Variants in CDH2 observed in about 807,000 individuals in gnomAD.
CDH2 encodes cadherin 2, also known as cadherin-2.
Under a neutral mutation model 92.0 loss-of-function variants are expected in CDH2, and 17 were observed. The observed-to-expected ratio is 0.18, with a 90% CI of 0.13 to 0.28. The LOEUF is 0.28. Ranked by LOEUF, CDH2 falls within the 10% of genes least tolerant of loss-of-function variation. CDH2 has a pLI of 1.00. For synonymous variants in CDH2, 419 were observed against 415.9 expected, an observed-to-expected ratio of 1.01 and a Z score of -0.09; for missense variants, 862 against 1,133.1, an observed-to-expected ratio of 0.76 and a Z score of 3.44.
At chr18:28,017,840 C>T (rs1478889248) in intron 2 of CDH2, among the ~76,000 whole-genome samples, 3 of 152,054 alleles carry the variant, frequency 2.0e-5, no homozygotes, top group Non-Finnish European at 1.5e-5. Context: ...AAGCATTCCC[C>T]CTGAACACTG....
At chr18:28,107,631 A>G (rs2015343509) in intron 2 of CDH2, among the ~76,000 whole-genome samples, 1 of 152,152 alleles carries the variant, frequency 6.6e-6, no homozygotes, top group Admixed American at 6.5e-5. Context: ...AAATAAGCAT[A>G]TTAGAGCTCT....
chr18:28,108,119 A>G (rs1157111587), intron 2 of CDH2, among the ~76,000 whole-genome samples: 2 of 152,144 alleles, frequency 1.3e-5, no homozygotes, highest in Non-Finnish European at 2.9e-5. Flanking sequence ...GATAGCCTGC[A>G]GGTTTCAAGA....
intron 2 of CDH2, among the ~76,000 whole-genome samples, chr18:28,111,568 G>A (rs1443254643): frequency 2.0e-5 from 3 of 152,086 alleles, no homozygotes; most frequent in Admixed American, 1.3e-4. Flanking sequence ...GGCAGGTGCC[G>A]GCTCTCTGAA....
chr18:28,166,160 AT>A, intron 1 of CDH2, among the ~76,000 whole-genome samples: 1 of 137,074 alleles, frequency 7.3e-6, no homozygotes, highest in East Asian at 2.1e-4. Context: ...ATATATATAT[AT>A]ATATATATAT....
chr18:27,941,185 G>A (rs573962609), intron 6 of CDH2, among the ~76,000 whole-genome samples: 1 of 151,892 alleles, frequency 6.6e-6, no homozygotes, highest in East Asian at 1.9e-4. Flanking sequence ...ACAGGCACCC[G>A]CCACCACGCC....
At chr18:28,073,491 G>A (rs2144172907) in intron 2 of CDH2, among the ~76,000 whole-genome samples, 1 of 152,146 alleles carries the variant, frequency 6.6e-6, no homozygotes, top group South Asian at 2.1e-4. Context: ...TTTAAATTCT[G>A]CTTTTAAAAC....
At chr18:27,965,662 A>G (rs1023991556) in intron 14 of CDH2, among the ~76,000 whole-genome samples, 5 of 151,492 alleles carry the variant, frequency 3.3e-5, no homozygotes, top group African/African-American at 9.7e-5. Context: ...AAAGGCCCTC[A>G]ATGATGCAAC....
intron 9 of CDH2, among the ~76,000 whole-genome samples, chr18:27,991,374 CAT>C (rs1178717707): frequency 6.6e-6 from 1 of 152,178 alleles, no homozygotes; most frequent in Admixed American, 6.5e-5. Context: ...TCTTCAAACA[CAT>C]CTTTTTTTCT....
intron 7 of CDH2, among the ~76,000 whole-genome samples, chr18:27,998,560 G>A (rs932417364): frequency 6.6e-6 from 1 of 152,170 alleles, no homozygotes; most frequent in East Asian, 1.9e-4. Flanking sequence ...TCAAGCGGGG[G>A]AAGCAGGTGG....
At chr18:28,131,839 A>G (rs1013199726) in intron 2 of CDH2, among the ~76,000 whole-genome samples, 3 of 152,048 alleles carry the variant, frequency 2.0e-5, no homozygotes, top group Admixed American at 2.0e-4. Flanking sequence ...ATATTTCCAT[A>G]CTATTCTCTG....
intron 2 of CDH2, among the ~76,000 whole-genome samples, chr18:28,106,639 T>A (rs1015251352): frequency 6.6e-6 from 1 of 152,196 alleles, no homozygotes; most frequent in Non-Finnish European, 1.5e-5. Flanking sequence ...TTTCTGTTTG[T>A]AAATTTCAGC....
At chr18:28,173,862 G>A (rs1006444355) in intron 1 of CDH2, among the ~76,000 whole-genome samples, 1 of 152,090 alleles carries the variant, frequency 6.6e-6, no homozygotes, top group Non-Finnish European at 1.5e-5. Context: ...AAAGTCACTT[G>A]TATTATTTAA....
At chr18:28,084,165 C>A (rs566296807) in intron 2 of CDH2, among the ~76,000 whole-genome samples, 2 of 152,256 alleles carry the variant, frequency 1.3e-5, no homozygotes, top group African/African-American at 4.8e-5. Flanking sequence ...ACCTATTAGC[C>A]TCTGAGCTTT....
At chr18:28,158,812 C>A (rs1017869028) in intron 1 of CDH2, among the ~76,000 whole-genome samples, 1 of 152,128 alleles carries the variant, frequency 6.6e-6, no homozygotes, top group African/African-American at 2.4e-5. Context: ...TATGAAAAGC[C>A]AGCTATCTTC....
intron 1 of CDH2, among the ~76,000 whole-genome samples, chr18:28,173,468 T>C (rs2016493635): frequency 6.6e-6 from 1 of 152,162 alleles, no homozygotes; most frequent in Non-Finnish European, 1.5e-5. Context: ...GATTTACACT[T>C]AAAATCACTG....
chr18:28,163,568 T>A (rs2016336697), intron 1 of CDH2, among the ~76,000 whole-genome samples: 1 of 152,208 alleles, frequency 6.6e-6, no homozygotes, highest in East Asian at 1.9e-4. Context: ...GTGGCATGCA[T>A]AAGAATGCTG....
intron 2 of CDH2, among the ~76,000 whole-genome samples, chr18:28,106,552 A>C (rs1487148393): frequency 6.6e-6 from 1 of 152,100 alleles, no homozygotes; most frequent in African/African-American, 2.4e-5. Context: ...TACAGTTAAA[A>C]ATTTCTAGGT....
At chr18:27,962,335 A>AACAG (rs1238838638) in intron 15 of CDH2, among the ~76,000 whole-genome samples, 17 of 152,234 alleles carry the variant, frequency 1.1e-4, no homozygotes, top group Admixed American at 6.5e-5. Context: ...ATATTTTAGG[A>AACAG]ACAGACAGTA....
chr18:28,078,102 T>C (rs11564405), intron 2 of CDH2, among the ~76,000 whole-genome samples: 2 of 151,944 alleles, frequency 1.3e-5, no homozygotes, highest in Admixed American at 6.6e-5. Flanking sequence ...TTGTAAAATG[T>C]CCTTCATGCA....
Sources: gnomAD v4.1 joint callset for allele counts (sites outside exome capture counted in the v4.1 genomes callset) on GRCh38, gnomAD v4.1.1 for gene constraint, MANE v1.5 for transcripts, NCBI Gene and HGNC (gene_info 2026-07-23, HGNC 2026-07-21) for gene names.